The following MANEA variants were observed in gnomAD, a reference collection of about 807,000 sequenced individuals.
MANEA encodes the protein glycoprotein endo-alpha-1,2-mannosidase.
Under a neutral mutation model 36.8 loss-of-function variants are expected in MANEA, and 25 were observed. The ratio of observed to expected loss-of-function variants is 0.68; its 90% CI spans 0.50 to 0.95. MANEA has a LOEUF of 0.95. Ranked by LOEUF, MANEA falls within the 40% of genes least tolerant of loss-of-function variation. The pLI, the probability that MANEA is intolerant of heterozygous loss-of-function variation, is 0.00. For synonymous variants in MANEA, 198 were observed against 188.5 expected, an observed-to-expected ratio of 1.05 and a Z score of -0.41; for missense variants, 565 against 558.8, an observed-to-expected ratio of 1.01 and a Z score of -0.11.
At chr6:95,578,893 G>A (rs574568122) in intron 1 of MANEA, among the ~76,000 whole-genome samples, 1 of 152,226 alleles carries the variant, frequency 6.6e-6, no homozygotes, top group South Asian at 2.1e-4. Context: ...CTCTAAATTT[G>A]ATTTGTCTAA....
chr6:95,608,905 GTC>G lies in MANEA; in HGVS notation c.*2502_*2503del. Reference sequence around the variant, plus strand: ...GTGAATAATTACATGAAAAAAAAGAGTCTGTACATCTTCAGAGTTTCAGTCGG... The same window carrying G: ...GTGAATAATTACATGAAAAAAAAGAGTGTACATCTTCAGAGTTTCAGTCGG... On this transcript the variant is annotated 3_prime_UTR_variant, in exon 5 of 5. Transcript: ENST00000358812. 6.6e-6 allele frequency: 1 copy of G among 151,638 alleles called. No homozygotes were observed. Among genetic ancestry groups the G allele is most frequent in the East Asian group, 1.9e-4 (1 of 5,194 alleles). The allele number at this position is 151,638 out of a possible 1,614,324, so 9.4% of individuals were successfully genotyped here. A position where few individuals can be genotyped will look rare whatever the true frequency, so the allele number is the denominator to read the frequency against.
chr6:95,606,183 A>G lies in MANEA; in HGVS notation c.1167A>G (p.Ala389=), dbSNP rs775927709. The part of the protein sequence containing the change: ...GKYYEIGLSA[A]LQTRPSLISI... The stretch of plus-strand genomic sequence containing the variant: ...ATTATGAAATTGGTCTGAGTGCCGC[A>G]CTTCAGACACGCCCCAGCTTAATTT... The change falls in exon 5 of 5, where the codon GCA becomes GCG. Residue 389 remains alanine, a synonymous_variant. Coordinates refer to ENST00000358812, the MANE Select transcript of MANEA (RefSeq NM_024641.4). 1.9e-6 allele frequency: 3 copies of G among 1,614,068 alleles called. No homozygotes were observed. The highest frequency in any genetic ancestry group is 2.5e-6 in the Non-Finnish European group (3 of 1,179,952).
In MANEA at chr6:95,586,544, T is replaced by G. The variant is rs1449079110; in HGVS notation, c.105T>G (p.Thr35=). 1 of 1,614,072 alleles carries G rather than the reference T, an allele frequency of 6.2e-7. No homozygotes were observed. The highest frequency in any genetic ancestry group is 1.3e-5 in the African/African-American group (1 of 75,052). ...GLKMLRPNTA[T]FGAPFGLDLL... ...AAATGCTGAGACCAAATACAGCTAC[T>G]TTTGGAGCTCCTTTTGGACTTGACC... The change falls in exon 2 of 5, where the codon ACT becomes ACG. Residue 35 remains threonine (T), a synonymous_variant. Transcript: ENST00000358812.
At chr6:95,587,898 T>C (rs370888959) in intron 2 of MANEA, among the ~76,000 whole-genome samples, 3 of 152,146 alleles carry the variant, frequency 2.0e-5, no homozygotes, top group Admixed American at 2.0e-4. Context: ...TTACATTACA[T>C]ATGCGTATTA....
intron 3 of MANEA, among the ~76,000 whole-genome samples, chr6:95,603,425 A>C (rs1326958498): frequency 6.6e-6 from 1 of 152,280 alleles, no homozygotes; most frequent in East Asian, 1.9e-4. Flanking sequence ...TAGCTGCCCT[A>C]GCAGTTACTA....
chr6:95,582,041 A>T (rs944217937), intron 1 of MANEA, among the ~76,000 whole-genome samples: 2 of 151,950 alleles, frequency 1.3e-5, no homozygotes, highest in African/African-American at 4.8e-5. Context: ...TACATCCAAA[A>T]TATTATTTTT....
chr6:95,594,591 T>G (rs1475394505), intron 2 of MANEA, among the ~76,000 whole-genome samples: 1 of 152,210 alleles, frequency 6.6e-6, no homozygotes, highest in Non-Finnish European at 1.5e-5. Flanking sequence ...TGGTGTTTTA[T>G]TCTTTGTGTT....
At chr6:95,589,977 AC>A (rs1167285624) in intron 2 of MANEA, 4 of 151,854 alleles carry the variant, frequency 2.6e-5, no homozygotes, top group Admixed American at 6.6e-5. Context: ...GAGAGACTCG[AC>A]CCCCTGTTGC....
chr6:95,592,615 A>G (rs1029145044), intron 2 of MANEA, among the ~76,000 whole-genome samples: 5 of 152,214 alleles, frequency 3.3e-5, no homozygotes, highest in African/African-American at 7.2e-5. Context: ...TAAATTTCCT[A>G]TGAACACATA....
chr6:95,585,981 A>C (rs1230680279), intron 1 of MANEA, among the ~76,000 whole-genome samples: 1 of 152,192 alleles, frequency 6.6e-6, no homozygotes, highest in African/African-American at 2.4e-5. Context: ...TGGTCAACAT[A>C]GTGAGACCTT....
intron 1 of MANEA, among the ~76,000 whole-genome samples, chr6:95,585,332 C>T (rs767420168): frequency 5.3e-5 from 8 of 152,248 alleles, no homozygotes; most frequent in Non-Finnish European, 8.8e-5. Flanking sequence ...TTTTTGGAGA[C>T]GTTTTCTTGC....
chr6:95,579,377 C>T (rs1286025065), intron 1 of MANEA, among the ~76,000 whole-genome samples: 1 of 151,204 alleles, frequency 6.6e-6, no homozygotes, highest in African/African-American at 2.5e-5. Flanking sequence ...ATCTCAAAAA[C>T]AAAACAAAAC....
intron 2 of MANEA, among the ~76,000 whole-genome samples, chr6:95,590,788 G>A (rs1017717425): frequency 6.6e-6 from 1 of 152,152 alleles, no homozygotes; most frequent in African/African-American, 2.4e-5. Context: ...TACTTAATGT[G>A]TAATGTAAGG....
intron 1 of MANEA, among the ~76,000 whole-genome samples, chr6:95,582,057 A>G (rs559752152): frequency 1.9e-4 from 29 of 150,360 alleles, no homozygotes; most frequent in Middle Eastern, 3.5e-3. Context: ...TTTTTGCTTC[A>G]TGTCTCATCA....
rs1484744570 is a variant in MANEA, at chr6:95,605,951, T to C, written c.935T>C (p.Ile312Thr). Residue 312 changes from isoleucine to threonine, a missense_variant, in exon 5 of 5, where the codon ATT becomes ACT. Ile to Thr is a moderately conservative substitution (Grantham distance 89). Transcript: ENST00000358812. ...LLVEEKHKYD[I>T]LQSGFDGIYT... ...GTAGAAGAAAAACATAAGTATGATA[T>C]TCTTCAAAGTGGTTTTGATGGAATT... 6.2e-7 allele frequency: 1 copy of C among 1,613,974 alleles called. No individual in the cohort carries two copies. The highest frequency in any genetic ancestry group is 8.5e-7 in the Non-Finnish European group (1 of 1,179,898).
Position 95,604,857 on chromosome 6 carries a change from C to A in MANEA, c.685C>A (p.Arg229=). Residue 229 remains arginine, a synonymous_variant, in exon 4 of 5, where the codon CGA becomes AGA. Transcript: ENST00000358812. ...TTTTCACATAGAACCATATAGCAAT[C>A]GAGATGATCAAAACATGTACAAAAA... ...VTFHIEPYSN[R]DDQNMYKNVK... 6.7e-7 allele frequency: 1 copy of A among 1,484,266 alleles called. No homozygotes were observed. The highest frequency in any genetic ancestry group is 9.1e-7 in the Non-Finnish European group (1 of 1,098,034). 91.9% of individuals were successfully genotyped at this position (1,484,266 alleles called of 1,614,324 possible).
At chr6:95,594,594 T>C (rs2127942195) in intron 2 of MANEA, among the ~76,000 whole-genome samples, 1 of 152,338 alleles carries the variant, frequency 6.6e-6, no homozygotes, top group African/African-American at 2.4e-5. Flanking sequence ...TGTTTTATTC[T>C]TTGTGTTCTT....
chr6:95,578,796 T>G (rs1769124235), intron 1 of MANEA, among the ~76,000 whole-genome samples: 1 of 152,238 alleles, frequency 6.6e-6, no homozygotes, highest in African/African-American at 2.4e-5. Flanking sequence ...CAGTTAATCA[T>G]TGTTTATTAG....
intron 3 of MANEA, among the ~76,000 whole-genome samples, chr6:95,597,609 C>T (rs912960547): frequency 2.0e-5 from 3 of 151,816 alleles, no homozygotes; most frequent in Non-Finnish European, 2.9e-5. Context: ...CATTCAGTAC[C>T]ATGGAATGTT....
Sources: gnomAD v4.1 joint callset for allele counts (sites outside exome capture counted in the v4.1 genomes callset) on GRCh38, gnomAD v4.1.1 for gene constraint, MANE v1.5 for transcripts, NCBI Gene and HGNC (gene_info 2026-07-23, HGNC 2026-07-21) for gene names.